The following MID1 variants were observed in gnomAD, a reference collection of about 807,000 sequenced individuals.
MID1 encodes midline 1.
In MID1, 7 loss-of-function variants were observed where a neutral mutation model predicts 40.4. The ratio of observed to expected loss-of-function variants is 0.17; its 90% CI spans 0.10 to 0.33. The LOEUF (loss-of-function observed/expected upper bound fraction) is 0.33, where lower values mean the gene tolerates loss of function less well. Ranked by LOEUF, MID1 falls within the 10% of genes least tolerant of loss-of-function variation. The pLI is 1.00. For synonymous variants in MID1, 229 were observed against 221.2 expected, an observed-to-expected ratio of 1.04 and a Z score of -0.31; for missense variants, 367 against 558.5, an observed-to-expected ratio of 0.66 and a Z score of 3.46.
At chrX:10,623,394 A>G (rs983924760), upstream of MID1, among the ~76,000 whole-genome samples, 4 of 111,810 alleles carry the variant, frequency 3.6e-5, no homozygotes, top group Non-Finnish European at 7.5e-5. Flanking sequence ...AAACGAACAG[A>G]TGTTCTGTTC....
intron 1 of MID1, among the ~76,000 whole-genome samples, chrX:10,736,290 C>T (rs188176736): frequency 8.9e-6 from 1 of 112,258 alleles, no homozygotes; most frequent in East Asian, 2.8e-4. Flanking sequence ...AACTACTATT[C>T]TCACACTGAG....
intron 2 of MID1, among the ~76,000 whole-genome samples, chrX:10,541,083 C>G (rs536237994): frequency 1.8e-5 from 2 of 112,132 alleles, no homozygotes; most frequent in East Asian, 5.6e-4. Context: ...CTGGAAGAGT[C>G]CAGTTACTTG....
At chrX:10,580,683 C>T (rs1317097901) in intron 1 of MID1, among the ~76,000 whole-genome samples, 2 of 111,176 alleles carry the variant, frequency 1.8e-5, no homozygotes, top group African/African-American at 6.6e-5. Flanking sequence ...ATTTTGCGCT[C>T]CATTAAAAAT....
chrX:10,668,919 T>A (rs1188293287), intron 1 of MID1, among the ~76,000 whole-genome samples: 3 of 112,175 alleles, frequency 2.7e-5, no homozygotes, highest in Non-Finnish European at 5.6e-5. Context: ...GTTTCGTTAG[T>A]CTTAGAAATC....
At chrX:10,714,108 A>T (rs919689109) in intron 1 of MID1, among the ~76,000 whole-genome samples, 12 of 112,161 alleles carry the variant, frequency 1.1e-4, no homozygotes. Context: ...TATTCAGAAC[A>T]CTTGGAATTT....
chrX:10,635,720 G>C (rs1936102139), intron 1 of MID1, among the ~76,000 whole-genome samples: 1 of 112,135 alleles, frequency 8.9e-6, no homozygotes, highest in Non-Finnish European at 1.9e-5. Context: ...TATTAATTTA[G>C]TATTTGCCAT....
At chrX:10,559,882 G>GT (rs372238140) in intron 2 of MID1, among the ~76,000 whole-genome samples, 1,162 of 99,567 alleles carry the variant, frequency 0.012, 27 homozygotes, top group East Asian at 0.1. Context: ...TTCATTGTGG[G>GT]TTTTTTTTTT....
At chrX:10,586,049 C>T (rs1385898581) in intron 1 of MID1, among the ~76,000 whole-genome samples, 3 of 111,335 alleles carry the variant, frequency 2.7e-5, no homozygotes, top group Non-Finnish European at 5.6e-5. Context: ...TCAGATGGGT[C>T]ATAACACACA....
intron 3 of MID1, among the ~76,000 whole-genome samples, chrX:10,505,181 G>T (rs960425263): frequency 8.9e-6 from 1 of 111,947 alleles, no homozygotes; most frequent in Non-Finnish European, 1.9e-5. Flanking sequence ...ATTTGAAAAT[G>T]ACAACATACT....
intron 1 of MID1, among the ~76,000 whole-genome samples, chrX:10,584,802 C>T (rs988315785): frequency 3.6e-5 from 4 of 111,473 alleles, no homozygotes; most frequent in Non-Finnish European, 7.5e-5. Context: ...GGTAGCAGGA[C>T]GAGCCGCAGA....
At chrX:10,645,029 T>C (rs1455308815) in intron 1 of MID1, among the ~76,000 whole-genome samples, 1 of 111,793 alleles carries the variant, frequency 8.9e-6, no homozygotes, top group Non-Finnish European at 1.9e-5. Context: ...TTCTCAAGCT[T>C]TTCTACCATA....
At chrX:10,593,596 G>A (rs1459799274) in intron 1 of MID1, among the ~76,000 whole-genome samples, 1 of 111,265 alleles carries the variant, frequency 9.0e-6, no homozygotes, top group Non-Finnish European at 1.9e-5. Context: ...CTCCTGTATT[G>A]GGTAGGAGAT....
At chrX:10,475,302 G>A in intron 5 of MID1, 1 of 299,744 alleles carries the variant, frequency 3.3e-6, no homozygotes, top group Non-Finnish European at 6.4e-6. Context: ...GGAGTTTTTT[G>A]TCTGGCTCAT....
At chrX:10,457,580 TCTTC>T (rs749132677) in intron 8 of MID1, among the ~76,000 whole-genome samples, 90 of 112,257 alleles carry the variant, frequency 8.0e-4, no homozygotes, top group African/African-American at 2.8e-3. Flanking sequence ...CAGCAGCCAG[TCTTC>T]CTTCCTTGTA....
At chrX:10,468,729 T>C (rs1929524531) in intron 7 of MID1, among the ~76,000 whole-genome samples, 1 of 111,527 alleles carries the variant, frequency 9.0e-6, no homozygotes, top group Admixed American at 9.6e-5. Context: ...TGATGCCAGA[T>C]ATCAAATAGG....
At chrX:10,688,294 G>T (rs1021619187) in intron 1 of MID1, among the ~76,000 whole-genome samples, 1 of 111,582 alleles carries the variant, frequency 9.0e-6, no homozygotes, top group Admixed American at 9.6e-5. Flanking sequence ...CTATTCAAAA[G>T]TATTTTTTCC....
At chrX:10,539,710 T>C (rs1222284066) in intron 2 of MID1, among the ~76,000 whole-genome samples, 2 of 90,952 alleles carry the variant, frequency 2.2e-5, no homozygotes, top group Non-Finnish European at 4.7e-5. Context: ...GTTTCCTCAA[T>C]AGCCAAAAAA....
upstream of MID1, among the ~76,000 whole-genome samples, chrX:10,621,361 A>G (rs1003418868): frequency 8.9e-6 from 1 of 111,860 alleles, no homozygotes; most frequent in African/African-American, 3.3e-5. Flanking sequence ...CTTCTTAGAA[A>G]CAAACTCAGA....
At position 10,446,044 on chromosome X, in the gene MID1, C is replaced by T. The variant is rs1273098770; in HGVS notation, c.*3324G>A. On this transcript the variant is annotated 3_prime_UTR_variant, in exon 10 of 10. Transcript: ENST00000317552. ...GCTTGCACTGTAGGATGTTTAACGG[C>T]GTCCATGACCTCTACGCACTAGATG... The T allele has an allele frequency of 1.8e-5, 2 of 111,414 alleles. No individual in the cohort carries two copies. The highest frequency in any genetic ancestry group is 9.5e-5 in the Admixed American group (1 of 10,510). The allele number at this position is 111,414 out of a possible 1,213,427, so 9.2% of individuals were successfully genotyped here. A position where few individuals can be genotyped will look rare whatever the true frequency, so the allele number is the denominator to read the frequency against.
Sources: gnomAD v4.1 joint callset for allele counts (sites outside exome capture counted in the v4.1 genomes callset) on GRCh38, gnomAD v4.1.1 for gene constraint, MANE v1.5 for transcripts, NCBI Gene and HGNC (gene_info 2026-07-23, HGNC 2026-07-21) for gene names.